The following IGSF10 variants were observed in gnomAD, a reference collection of about 807,000 sequenced individuals.
IGSF10 encodes calvaria mechanical force protein 608.
A neutral mutation model predicts 128.2 loss-of-function variants in IGSF10; 126 were observed. That is an observed-to-expected ratio of 0.98 (90% confidence interval 0.85 to 1.14). The LOEUF is 1.14. Ranked by LOEUF, IGSF10 falls within the 50% of genes most tolerant of loss-of-function variation. The pLI is 0.00. For synonymous variants in IGSF10, 1,185 were observed against 1,146.2 expected (o/e 1.03, Z -0.68); for missense variants, 3,295 against 3,149.8 (o/e 1.05, Z -1.10).
intron 7 of IGSF10, among the ~76,000 whole-genome samples, chr3:151,442,336 T>C (rs921702347): frequency 2.6e-5 from 4 of 151,854 alleles, no homozygotes; most frequent in African/African-American, 9.7e-5. Context: ...AATTCCCTTC[T>C]CTGTTTTGTT....
the IGSF10 span, among the ~76,000 whole-genome samples, chr3:151,556,386 C>T: frequency 4.6e-5 from 7 of 152,118 alleles, no homozygotes; most frequent in African/African-American, 2.4e-5. Flanking sequence ...GCACACTTTC[C>T]CTTGCTCTCT....
In IGSF10 at chr3:151,443,650, T is replaced by G. The variant is rs1164255042; in HGVS notation, c.5297A>C (p.Lys1766Thr). 6.2e-7 allele frequency: 1 copy of G among 1,614,262 alleles called. No homozygotes were observed. Among genetic ancestry groups the G allele is most frequent in the Non-Finnish European group, 8.5e-7 (1 of 1,180,052 alleles). The change falls in exon 7 of 8, where the codon AAG becomes ACG. Residue 1766 changes from lysine (K) to threonine (T), a missense_variant. By Grantham distance (78) the Lys-to-Thr change is moderately conservative (BLOSUM62 -1). Transcript: ENST00000282466. ...TVHSGSTVEL[K>T]CRAEGRPSPT... is the part of the protein sequence containing the mutation. The stretch of plus-strand genomic sequence containing the variant: ...GCTTGGCCTACCTTCTGCTCTGCAC[T>G]TCAGTTCCACAGTGCTTCCGGAATG...
At chr3:151,483,582 G>A in the IGSF10 span, among the ~76,000 whole-genome samples, 14 of 152,108 alleles carry the variant, frequency 9.2e-5, no homozygotes, top group Admixed American at 2.6e-4. Flanking sequence ...CACAGAAGGT[G>A]GATGATTTCT....
the IGSF10 span, among the ~76,000 whole-genome samples, chr3:151,548,146 G>A: frequency 6.6e-6 from 1 of 152,158 alleles, no homozygotes; most frequent in South Asian, 2.1e-4. Context: ...AAAAGAAGCA[G>A]TATGCCTTTT....
At position 151,443,345 on chromosome 3, in the gene IGSF10, CT is replaced by C. The variant is rs757155406; in HGVS notation, c.5601del (p.Gly1868GlufsTer17). 2 of 1,614,214 alleles carry C rather than the reference CT, an allele frequency of 1.2e-6. No homozygotes were observed. The highest frequency in any genetic ancestry group is 1.7e-6 in the Non-Finnish European group (2 of 1,180,028). ...GESLKLPCTAKGTPQPSVYWV... is the reference protein window; with the variant it reads ...GESLKLPCTAXGTPQPSVYWV... ...CAGTAAACGCTGGGCTGAGGAGTTC[CT>C]TTTGCAGTACAGGGCAGTTTTAAAC... On this transcript the variant is annotated frameshift_variant, in exon 7 of 8. Coordinates refer to ENST00000282466, the MANE Select transcript of IGSF10 (RefSeq NM_178822.5). LOFTEE classifies it high-confidence loss of function.
chr3:151,443,256 A>T lies in IGSF10; in HGVS notation c.5691T>A (p.Phe1897Leu), dbSNP rs1720965440. The T allele has an allele frequency of 6.2e-7, 1 of 1,611,596 alleles. No individual in the cohort carries two copies. Among genetic ancestry groups the T allele is most frequent in the Non-Finnish European group, 8.5e-7 (1 of 1,178,576 alleles). Residue 1897 changes from phenylalanine to leucine, a missense_variant, in exon 7 of 8, where the codon TTT (phenylalanine) becomes TTA (leucine). Phe to Leu is a conservative substitution (Grantham distance 22). Coordinates refer to ENST00000282466, the MANE Select transcript of IGSF10 (RefSeq NM_178822.5). ...LQFTNSKLFL[F>L]SNGTLYIRNL... ...TTCTTATATACAAAGTCCCATTTGA[A>T]AATAAGAACAACTTGGAATTGGTAA...
the IGSF10 span, among the ~76,000 whole-genome samples, chr3:151,511,491 G>C: frequency 6.6e-6 from 1 of 152,276 alleles, no homozygotes; most frequent in African/African-American, 2.4e-5. Context: ...GGAGCAACTG[G>C]TACCAGCCAC....
chr3:151,615,478 C>T, the IGSF10 span, among the ~76,000 whole-genome samples: 5 of 152,042 alleles, frequency 3.3e-5, no homozygotes, highest in African/African-American at 1.2e-4. Context: ...CTTTACTCTT[C>T]TTTTACTTAA....
upstream of IGSF10, chr3:151,461,531 A>G (rs1722059972): frequency 3.0e-6 from 2 of 673,350 alleles, no homozygotes; most frequent in Admixed American, 6.3e-5. Context: ...TACAGATAGT[A>G]AAATGGTTAC....
At chr3:151,476,088 C>G in the IGSF10 span, 1 of 152,202 alleles carries the variant, frequency 6.6e-6, no homozygotes, top group Non-Finnish European at 1.5e-5. Context: ...TGGATTTGGA[C>G]AGTTCCAGTC....
At chr3:151,505,615 A>G in the IGSF10 span, among the ~76,000 whole-genome samples, 1 of 152,184 alleles carries the variant, frequency 6.6e-6, no homozygotes, top group Non-Finnish European at 1.5e-5. Flanking sequence ...GCAAAGTCTT[A>G]TGGGAATGGT....
chr3:151,570,396 G>C, the IGSF10 span, among the ~76,000 whole-genome samples: 1 of 152,174 alleles, frequency 6.6e-6, no homozygotes. Context: ...TCCAGCACCT[G>C]TTGTTTCCTG....
chr3:151,576,995 C>T, the IGSF10 span, among the ~76,000 whole-genome samples: 12 of 152,272 alleles, frequency 7.9e-5, no homozygotes, highest in African/African-American at 2.9e-4. Flanking sequence ...TGTCGGCTTG[C>T]TCTTGAATTC....
At position 151,443,342 on chromosome 3, in the gene IGSF10, T is replaced by C; in HGVS notation, c.5605A>G (p.Thr1869Ala). The change falls in exon 7 of 8, where the codon ACT becomes GCT. Residue 1869 changes from threonine to alanine, a missense_variant. Thr to Ala is a moderately conservative substitution (Grantham distance 58, BLOSUM62 0). Coordinates refer to ENST00000282466, the MANE Select transcript of IGSF10 (RefSeq NM_178822.5). Reference protein sequence around the residue: ...SLKLPCTAKGTPQPSVYWVLS... With the variant: ...SLKLPCTAKGAPQPSVYWVLS... ...ACCCAGTAAACGCTGGGCTGAGGAG[T>C]TCCTTTTGCAGTACAGGGCAGTTTT... 1 of 1,614,106 alleles carries C rather than the reference T, an allele frequency of 6.2e-7. No homozygotes were observed. The highest frequency in any genetic ancestry group is 1.1e-5 in the South Asian group (1 of 91,084).
chr3:151,576,904 A>G, the IGSF10 span, among the ~76,000 whole-genome samples: 1 of 151,834 alleles, frequency 6.6e-6, no homozygotes, highest in Non-Finnish European at 1.5e-5. Context: ...AAAAATAGCC[A>G]GCTACCAGCC....
chr3:151,606,699 A>C, the IGSF10 span, among the ~76,000 whole-genome samples: 1 of 152,216 alleles, frequency 6.6e-6, no homozygotes, highest in African/African-American at 2.4e-5. Flanking sequence ...AGAAAGTAGC[A>C]TGGAGATAGA....
At chr3:151,608,739 C>T in the IGSF10 span, among the ~76,000 whole-genome samples, 1 of 152,044 alleles carries the variant, frequency 6.6e-6, no homozygotes, top group Non-Finnish European at 1.5e-5. Context: ...GAATATTTCC[C>T]TTCTCTCATA....
the IGSF10 span, among the ~76,000 whole-genome samples, chr3:151,527,788 ATT>A: frequency 2.0e-5 from 3 of 148,350 alleles, no homozygotes; most frequent in African/African-American, 4.9e-5. Context: ...TGTCTCTACA[ATT>A]TTTTTTTTTT....
chr3:151,542,015 C>A, the IGSF10 span, among the ~76,000 whole-genome samples: 1 of 152,142 alleles, frequency 6.6e-6, no homozygotes, highest in Admixed American at 6.5e-5. Context: ...CTTTCACACC[C>A]AACTCCCTTC....
Sources: gnomAD v4.1 joint callset for allele counts (sites outside exome capture counted in the v4.1 genomes callset) on GRCh38, gnomAD v4.1.1 for gene constraint, MANE v1.5 for transcripts, NCBI Gene and HGNC (gene_info 2026-07-23, HGNC 2026-07-21) for gene names.